HS6ST3: variants seen among roughly 807,000 people sequenced by gnomAD.
HS6ST3 encodes heparan sulfate 6-O-sulfotransferase 3.
Under a neutral mutation model 36.7 loss-of-function variants are expected in HS6ST3, and 12 were observed. That is an observed-to-expected ratio of 0.33 (90% CI 0.21 to 0.53). The LOEUF is 0.53. Ranked by LOEUF, HS6ST3 falls within the 20% of genes least tolerant of loss-of-function variation. HS6ST3 has a pLI of 0.95. For missense variants in HS6ST3, 584 were observed against 640.9 expected (o/e 0.91, Z 0.96); for synonymous variants, 240 against 257.5 (o/e 0.93, Z 0.65).
intron 1 of HS6ST3, among the ~76,000 whole-genome samples, chr13:96,136,682 C>CATATATATATAT (rs56247662): frequency 2.4e-3 from 307 of 130,430 alleles, no homozygotes; most frequent in Middle Eastern, 4.1e-3. Context: ...TGTTATGAAA[C>CATATATATATAT]ATATATATAT....
At chr13:96,280,649 A>T (rs910490241) in intron 1 of HS6ST3, among the ~76,000 whole-genome samples, 2 of 152,224 alleles carry the variant, frequency 1.3e-5, no homozygotes, top group African/African-American at 4.8e-5. Context: ...GAGCTACATA[A>T]CACAAAACCT....
At chr13:96,332,273 C>G (rs560889644) in intron 1 of HS6ST3, among the ~76,000 whole-genome samples, 110 of 152,226 alleles carry the variant, frequency 7.2e-4, no homozygotes, top group African/African-American at 2.5e-3. Flanking sequence ...TTTTGTTACA[C>G]AACAGTTTTG....
At chr13:96,524,133 G>A (rs903746844) in intron 1 of HS6ST3, among the ~76,000 whole-genome samples, 2 of 152,134 alleles carry the variant, frequency 1.3e-5, no homozygotes, top group African/African-American at 4.8e-5. Context: ...AGGTCTGTTG[G>A]AGTTTGCCAG....
At chr13:96,583,209 T>TC (rs2056348637) in intron 1 of HS6ST3, among the ~76,000 whole-genome samples, 1 of 101,002 alleles carries the variant, frequency 9.9e-6, no homozygotes, top group Non-Finnish European at 2.0e-5. Context: ...CTTTTCTTTT[T>TC]TTTTTTTTTT....
intron 1 of HS6ST3, among the ~76,000 whole-genome samples, chr13:96,327,055 G>T (rs539083670): frequency 0.012 from 1,724 of 138,876 alleles, 77 homozygotes; most frequent in African/African-American, 0.045. Flanking sequence ...ATTTTTTTGA[G>T]TTCATTGTAG....
intron 1 of HS6ST3, among the ~76,000 whole-genome samples, chr13:96,717,280 T>G (rs1023900877): frequency 6.6e-6 from 1 of 152,176 alleles, no homozygotes; most frequent in African/African-American, 2.4e-5. Context: ...TACAATGCAT[T>G]CCAGTGGGTG....
intron 1 of HS6ST3, among the ~76,000 whole-genome samples, chr13:96,377,018 T>C (rs2055318254): frequency 6.7e-6 from 1 of 149,316 alleles, no homozygotes; most frequent in Non-Finnish European, 1.5e-5. Context: ...TGATTTATTG[T>C]TTTATTTTGT....
At chr13:96,287,908 G>T (rs948348971) in intron 1 of HS6ST3, among the ~76,000 whole-genome samples, 8 of 152,074 alleles carry the variant, frequency 5.3e-5, no homozygotes, top group Non-Finnish European at 1.0e-4. Context: ...GATCCTGTGG[G>T]GATTGATGGT....
intron 1 of HS6ST3, among the ~76,000 whole-genome samples, chr13:96,513,675 T>C (rs945509037): frequency 2.6e-5 from 4 of 152,118 alleles, no homozygotes; most frequent in African/African-American, 9.7e-5. Flanking sequence ...AACAGAGAAC[T>C]GCAGTCATGT....
chr13:96,344,479 G>A (rs1366409827), intron 1 of HS6ST3, among the ~76,000 whole-genome samples: 3 of 152,172 alleles, frequency 2.0e-5, no homozygotes, highest in Non-Finnish European at 4.4e-5. Context: ...TACAATCTTT[G>A]TATCATATGA....
At chr13:96,617,419 T>G (rs943590548) in intron 1 of HS6ST3, among the ~76,000 whole-genome samples, 1 of 152,342 alleles carries the variant, frequency 6.6e-6, no homozygotes, top group South Asian at 2.1e-4. Context: ...TGTGCAATAG[T>G]GAAGCTAGTT....
intron 1 of HS6ST3, among the ~76,000 whole-genome samples, chr13:96,607,230 G>A (rs2056442272): frequency 6.6e-6 from 1 of 152,046 alleles, no homozygotes; most frequent in South Asian, 2.1e-4. Flanking sequence ...ACTTACAATG[G>A]AAAGAAAATT....
intron 1 of HS6ST3, among the ~76,000 whole-genome samples, chr13:96,478,498 T>C (rs1416683654): frequency 6.6e-6 from 1 of 152,136 alleles, no homozygotes; most frequent in Non-Finnish European, 1.5e-5. Flanking sequence ...TTATCCTCCA[T>C]AGAGTTCCAT....
intron 1 of HS6ST3, among the ~76,000 whole-genome samples, chr13:96,694,384 T>G (rs1875063436): frequency 6.6e-6 from 1 of 152,248 alleles, no homozygotes; most frequent in South Asian, 2.1e-4. Flanking sequence ...ATGGTGTGTA[T>G]GTACCACATT....
chr13:96,688,338 TG>T (rs1167480703), intron 1 of HS6ST3, among the ~76,000 whole-genome samples: 1 of 151,990 alleles, frequency 6.6e-6, no homozygotes, highest in Non-Finnish European at 1.5e-5. Context: ...GGATGAATGC[TG>T]TGCTTCTATG....
At chr13:96,495,154 C>T (rs912166797) in intron 1 of HS6ST3, among the ~76,000 whole-genome samples, 1 of 152,128 alleles carries the variant, frequency 6.6e-6, no homozygotes, top group Non-Finnish European at 1.5e-5. Flanking sequence ...GTTTTTTACA[C>T]AGCCCGTTTA....
Position 96,705,254 on chromosome 13 carries a change from A to G in HS6ST3, c.708-127236A>G, listed in dbSNP as rs563534650. Among the ~76,000 whole-genome samples the G allele has an allele frequency of 3.3e-5, 5 of 152,252 alleles. No homozygotes were observed. The East Asian group carries it at 9.6e-4, about 29-fold the overall frequency. On this transcript the variant is annotated intron_variant, in intron 1 of 1. Coordinates refer to ENST00000376705, the MANE Select transcript of HS6ST3 (RefSeq NM_153456.4). The stretch of plus-strand genomic sequence containing the variant: ...ATCATCCATCATAGTTTCACTACCT[A>G]AAAATTCTCTTTGTTCTGCCTATTC...
At chr13:96,192,743 T>C (rs751901429) in intron 1 of HS6ST3, among the ~76,000 whole-genome samples, 6 of 152,106 alleles carry the variant, frequency 3.9e-5, no homozygotes, top group Non-Finnish European at 8.8e-5. Context: ...CTTTTTCATA[T>C]AAAGGTTTAT....
chr13:96,730,289 TTAA>T, intron 1 of HS6ST3, among the ~76,000 whole-genome samples: 1 of 152,334 alleles, frequency 6.6e-6, no homozygotes, highest in East Asian at 1.9e-4. Flanking sequence ...TAGGTTTTTT[TTAA>T]ATTTTTTTTT....
Sources: gnomAD v4.1 joint callset for allele counts (sites outside exome capture counted in the v4.1 genomes callset) on GRCh38, gnomAD v4.1.1 for gene constraint, MANE v1.5 for transcripts, NCBI Gene and HGNC (gene_info 2026-07-23, HGNC 2026-07-21) for gene names.